The following CRIPT variants were observed in gnomAD, a reference collection of about 807,000 sequenced individuals.
The protein encoded by CRIPT is cysteine-rich PDZ-binding protein.
Under a neutral mutation model 16.6 loss-of-function variants are expected in CRIPT, and 20 were observed. That is an observed-to-expected ratio of 1.20 (90% CI 0.85 to 1.75). The LOEUF is 1.75. Among genes scored for constraint, CRIPT ranks in the 40% most tolerant of loss-of-function variants. The pLI, the probability that CRIPT is intolerant of heterozygous loss-of-function variation, is 0.00. For missense variants in CRIPT, 133 were observed against 115.3 expected (o/e 1.15, Z -0.70); for synonymous variants, 42 against 37.0 (o/e 1.14, Z -0.49).
chr2:46,618,867 T>C (rs142774632), intron 2 of CRIPT, 29 bp downstream of exon 2: 80 of 1,349,380 alleles, frequency 5.9e-5, no homozygotes, highest in Non-Finnish European at 7.7e-5. Context: ...AATAGGAATT[T>C]AACCGAATAC....
At position 46,623,785 on chromosome 2, in the gene CRIPT, T is replaced by G; in HGVS notation, c.159T>G (p.Asn53Lys). Residue 53 changes from asparagine to lysine, a missense_variant, in exon 4 of 5, where the codon AAT becomes AAG. Coordinates refer to ENST00000238892, the MANE Select transcript of CRIPT (RefSeq NM_014171.6). Reference protein sequence around the residue: ...KKARFDPYGKNKFSTCRICKS... With the variant: ...KKARFDPYGKKKFSTCRICKS... ...CTAGATTTGATCCATATGGAAAGAA[T>G]AAGTTCTCCACTTGTAGAATTTGTA... The G allele has an allele frequency of 6.2e-7, 1 of 1,606,658 alleles. No homozygotes were observed. The highest frequency in any genetic ancestry group is 8.5e-7 in the Non-Finnish European group (1 of 1,175,318).
intron 1 of CRIPT, among the ~76,000 whole-genome samples, chr2:46,618,079 T>C (rs1188588304): frequency 6.6e-6 from 1 of 151,150 alleles, no homozygotes; most frequent in East Asian, 1.9e-4. Flanking sequence ...TTGCCACATA[T>C]CCAAATCCTC....
At chr2:46,618,385 T>C (rs1670719793) in intron 1 of CRIPT, among the ~76,000 whole-genome samples, 1 of 152,172 alleles carries the variant, frequency 6.6e-6, no homozygotes, top group Non-Finnish European at 1.5e-5. Flanking sequence ...GGTTACAGAT[T>C]GCTGTTAAAG....
rs1572798103 is a variant in CRIPT, at chr2:46,627,476, T to G, written c.*3249T>G. Among the ~76,000 whole-genome samples the G allele has an allele frequency of 6.6e-6, 1 of 151,768 alleles. No homozygotes were observed. The highest frequency in any genetic ancestry group is 1.9e-4 in the East Asian group (1 of 5,182). On this transcript the variant is annotated 3_prime_UTR_variant, in exon 5 of 5. Coordinates refer to ENST00000238892, the MANE Select transcript of CRIPT (RefSeq NM_014171.6). ...TTTTTTCCCCAAAGACAGAGTCTCCTTCTGTTGCCCAGGCTGGAGTACAGT... is the reference window on the plus strand; with the variant it reads ...TTTTTTCCCCAAAGACAGAGTCTCCGTCTGTTGCCCAGGCTGGAGTACAGT...
At chr2:46,623,599 A>G (rs1391011159) in intron 3 of CRIPT, among the ~76,000 whole-genome samples, 165 bp from the exon 4 acceptor site, 2 of 152,238 alleles carry the variant, frequency 1.3e-5, no homozygotes, top group Non-Finnish European at 2.9e-5. Context: ...AGAGATGTAC[A>G]GGCATATCAG....
At chr2:46,622,142 G>A (rs1389718297) in intron 3 of CRIPT, among the ~76,000 whole-genome samples, 1 of 152,152 alleles carries the variant, frequency 6.6e-6, no homozygotes, top group South Asian at 2.1e-4. Context: ...GGCCGAGGCA[G>A]GCGGATCACA....
intron 1 of CRIPT, among the ~76,000 whole-genome samples, chr2:46,617,541 C>A (rs1670694809): frequency 6.6e-6 from 1 of 152,154 alleles, no homozygotes; most frequent in African/African-American, 2.4e-5. Flanking sequence ...CTTCCCCCAG[C>A]CCCAGATCTC....
In CRIPT at chr2:46,618,823, G is replaced by A; in HGVS notation, c.67G>A (p.Ala23Thr). The change falls in exon 2 of 5, where the codon GCT (alanine) becomes ACT (threonine). Residue 23 changes from alanine (A) to threonine (T), a missense_variant. By Grantham distance (58) the Ala-to-Thr change is moderately conservative. Transcript: ENST00000238892. The part of the protein sequence containing the change: ...VITPDTWKDG[A>T]RNTTESGGRK... Reference sequence around the variant, plus strand: ...CACTCCAGATACATGGAAAGATGGTGCTAGGAATACCACAGGTATTTCTTC... The same window carrying A: ...CACTCCAGATACATGGAAAGATGGTACTAGGAATACCACAGGTATTTCTTC... The A allele has an allele frequency of 6.2e-7, 1 of 1,603,914 alleles. No individual in the cohort carries two copies. Among genetic ancestry groups the A allele is most frequent in the East Asian group, 2.2e-5 (1 of 44,542 alleles).
chr2:46,619,116 G>C (rs981774853), intron 2 of CRIPT, among the ~76,000 whole-genome samples: 1 of 152,080 alleles, frequency 6.6e-6, no homozygotes, highest in Non-Finnish European at 1.5e-5. Flanking sequence ...ATTTGATTCA[G>C]CTTATTTAGA....
Position 46,627,427 on chromosome 2 carries a change from T to C in CRIPT, c.*3200T>C, listed in dbSNP as rs1315177119. On this transcript the variant is annotated 3_prime_UTR_variant, in exon 5 of 5. Transcript: ENST00000238892. ...CTTCTAGGACTCTTATAGCTTGAAG[T>C]CTTACATTTAAATCTTTTTTTTTTT... 6.6e-6 allele frequency among the ~76,000 whole-genome samples: 1 copy of C among 151,944 alleles called. No homozygotes were observed. The highest frequency in any genetic ancestry group is 6.6e-5 in the Admixed American group (1 of 15,242).
At position 46,617,231 on chromosome 2, in the gene CRIPT, C is replaced by CAGCCT; in HGVS notation, c.-51_-47dup. The CAGCCT allele has an allele frequency of 6.4e-7, 1 of 1,551,618 alleles. No individual in the cohort carries two copies. Among genetic ancestry groups the CAGCCT allele is most frequent in the Non-Finnish European group, 8.7e-7 (1 of 1,146,980 alleles). On this transcript the variant is annotated 5_prime_UTR_variant, in exon 1 of 5. Transcript: ENST00000238892. ...TTCCAAGTTGTAGTGTTGTTGTTTT[C>CAGCCT]AGCCTGCTGCTGCTGCTGCTGTTGC... is the stretch of plus-strand genomic sequence containing the variant.
At position 46,627,544 on chromosome 2, in the gene CRIPT, A is replaced by G. The variant is rs938461544; in HGVS notation, c.*3317A>G. On this transcript the variant is annotated 3_prime_UTR_variant, in exon 5 of 5. Transcript: ENST00000238892. Reference sequence around the variant, plus strand: ...CCACAACCTCCACCTCCCAGGCTCAAGCGATTCTCATGCCTCAGCCTCCCA... The same window carrying G: ...CCACAACCTCCACCTCCCAGGCTCAGGCGATTCTCATGCCTCAGCCTCCCA... 6.6e-6 allele frequency among the ~76,000 whole-genome samples: 1 copy of G among 151,802 alleles called. No individual in the cohort carries two copies. Among genetic ancestry groups the G allele is most frequent in the African/African-American group, 2.4e-5 (1 of 41,296 alleles).
In CRIPT at chr2:46,628,409, AGGATTTTTCTAAT is replaced by A. The variant is rs1451010526; in HGVS notation, c.*4183_*4195del. ...ACAGGCGTGAGCCACTGGACCCGGC[AGGATTTTTCTAAT>A]TCTGTGAAAAATGATGTTTGTAGTT... On this transcript the variant is annotated 3_prime_UTR_variant, in exon 5 of 5. Transcript: ENST00000238892. 2.8e-4 allele frequency among the ~76,000 whole-genome samples: 43 copies of A among 152,192 alleles called. No individual in the cohort carries two copies. Among genetic ancestry groups the A allele is most frequent in the Non-Finnish European group, 5.9e-4 (40 of 68,034 alleles).
chr2:46,617,330 G>T, intron 1 of CRIPT, 32 bp downstream of exon 1: 1 of 1,551,764 alleles, frequency 6.4e-7, no homozygotes, highest in Non-Finnish European at 8.7e-7. Context: ...GCGGGAGGAG[G>T]AGGCTGGGAG....
chr2:46,622,854 C>G (rs746784592), intron 3 of CRIPT, among the ~76,000 whole-genome samples: 6 of 151,308 alleles, frequency 4.0e-5, no homozygotes, highest in Admixed American at 1.3e-4. Flanking sequence ...GAAAAATTAA[C>G]CTTTGTAAAT....
chr2:46,629,161 T>G lies in CRIPT; in HGVS notation c.*4934T>G, dbSNP rs1277313026. ...GGAAGCTAATAGTACTGTTTTTCTC[T>G]GGAGTGGGTGTAAGGGTAGAGACTT... is the stretch of plus-strand genomic sequence containing the variant. On this transcript the variant is annotated 3_prime_UTR_variant, in exon 5 of 5. Coordinates refer to ENST00000238892, the MANE Select transcript of CRIPT (RefSeq NM_014171.6). Among the ~76,000 whole-genome samples the G allele has an allele frequency of 6.6e-6, 1 of 152,238 alleles. No individual in the cohort carries two copies. Among genetic ancestry groups the G allele is most frequent in the Non-Finnish European group, 1.5e-5 (1 of 68,038 alleles).
intron 3 of CRIPT, among the ~76,000 whole-genome samples, chr2:46,622,084 G>A (rs867070006): frequency 6.6e-6 from 1 of 152,140 alleles, no homozygotes. Context: ...GATTTCCAAG[G>A]TTAGGCCGGG....
chr2:46,624,406 G>A lies in CRIPT; in HGVS notation c.*179G>A. ...ACAGCAACAGTGTAACTAGTCTTTTGTTGTAAATGGTTATTTTCCTTATAA... is the reference window on the plus strand; with the variant it reads ...ACAGCAACAGTGTAACTAGTCTTTTATTGTAAATGGTTATTTTCCTTATAA... On this transcript the variant is annotated 3_prime_UTR_variant, in exon 5 of 5. Coordinates refer to ENST00000238892, the MANE Select transcript of CRIPT (RefSeq NM_014171.6). 2 of 379,862 alleles carry A rather than the reference G, an allele frequency of 5.3e-6. No homozygotes were observed. Among genetic ancestry groups the A allele is most frequent in the Admixed American group, 4.5e-5 (1 of 22,218 alleles). The allele number at this position is 379,862 out of a possible 1,614,324, so 23.5% of individuals were successfully genotyped here.
rs1210542186 is a variant in CRIPT, at chr2:46,625,546, T to A, written c.*1319T>A. ...TGCAGTATGTATAAATACATATCAC[T>A]ACAAAATGTATAGAAAGTGTGATGA... On this transcript the variant is annotated 3_prime_UTR_variant, in exon 5 of 5. Transcript: ENST00000238892. 6.6e-6 allele frequency: 1 copy of A among 152,076 alleles called. No individual in the cohort carries two copies. Among genetic ancestry groups the A allele is most frequent in the Admixed American group, 6.6e-5 (1 of 15,258 alleles). The allele number at this position is 152,076 out of a possible 1,614,324, so 9.4% of individuals were successfully genotyped here.
Sources: allele counts gnomAD v4.1 joint callset (sites outside exome capture counted in the v4.1 genomes callset), GRCh38; gene constraint gnomAD v4.1.1; transcripts MANE v1.5; gene names NCBI Gene and HGNC (gene_info 2026-07-23, HGNC 2026-07-21).